The following DDX6 variants were observed in gnomAD, a reference collection of about 807,000 sequenced individuals.
The protein encoded by DDX6 is DEAD-box helicase 6.
A neutral mutation model predicts 60.6 loss-of-function variants in DDX6; 7 were observed. The ratio of observed to expected loss-of-function variants is 0.12; its 90% CI spans 0.07 to 0.22. The LOEUF (loss-of-function observed/expected upper bound fraction) is 0.22, where lower values mean the gene tolerates loss of function less well. Among genes scored for constraint, DDX6 ranks in the 10% least tolerant of loss-of-function variants. The probability of loss-of-function intolerance (pLI) is 1.00; values close to 1 mark genes in which losing one functional copy is unlikely to be tolerated. For synonymous variants in DDX6, 207 were observed against 201.0 expected (o/e 1.03, Z -0.25); for missense variants, 270 against 589.9 (o/e 0.46, Z 5.62).
chr11:118,757,041 C>G, intron 10 of DDX6, 130 bp downstream of exon 10: 1 of 474,922 alleles, frequency 2.1e-6, no homozygotes, highest in South Asian at 5.9e-5. Context: ...TGAGGGAGGT[C>G]AAAATGAAAG....
intron 4 of DDX6, among the ~76,000 whole-genome samples, chr11:118,769,674 T>TA (rs1861469889): frequency 6.6e-6 from 1 of 152,060 alleles, no homozygotes; most frequent in Admixed American, 6.5e-5. Context: ...TGAAAAAGCT[T>TA]GATCGTTGAA....
Position 118,754,781 on chromosome 11 carries a change from C to T in DDX6, c.1383G>A (p.Pro461=), listed in dbSNP as rs782365964. Residue 461 remains proline, a synonymous_variant, in exon 13 of 14, where the codon CCG becomes CCA. Transcript: ENST00000534980. ...CATACAGGCTCTTATCAATGTTGCT[C>T]GGAATAGGTTTAATTTCTGTTCCCA... ...EQLGTEIKPI[P]SNIDKSLYVA... is the part of the protein sequence containing the mutation. 25 of 1,613,648 alleles carry T rather than the reference C, an allele frequency of 1.5e-5. No homozygotes were observed. The highest frequency in any genetic ancestry group is 3.3e-5 in the Admixed American group (2 of 59,962).
At chr11:118,762,914 C>T (rs1172623794) in intron 7 of DDX6, among the ~76,000 whole-genome samples, 1 of 152,120 alleles carries the variant, frequency 6.6e-6, no homozygotes, top group African/African-American at 2.4e-5. Flanking sequence ...AAATTAATCA[C>T]AGAGCAGAAA....
chr11:118,778,019 AT>A (rs1861762832), intron 4 of DDX6, among the ~76,000 whole-genome samples: 2 of 147,726 alleles, frequency 1.4e-5, no homozygotes, highest in African/African-American at 2.7e-5. Flanking sequence ...TAGAATAATA[AT>A]AAAAAAAAAA....
chr11:118,770,883 C>CAAA (rs369951350), intron 4 of DDX6, among the ~76,000 whole-genome samples: 17 of 95,522 alleles, frequency 1.8e-4, no homozygotes, highest in East Asian at 1.0e-3. Flanking sequence ...CTCAGTCTCA[C>CAAA]AAAAAAAAAA....
chr11:118,752,685 A>C (rs1860817402), intron 13 of DDX6, among the ~76,000 whole-genome samples: 1 of 152,180 alleles, frequency 6.6e-6, no homozygotes. Context: ...TATAACTTGG[A>C]AACTATCCTT....
rs1378010987 is a variant in DDX6 at position 118,757,336 on chromosome 11, T to C, written c.994-49A>G. 8.3e-6 allele frequency: 9 copies of C among 1,085,338 alleles called. No individual in the cohort carries two copies. The African/African-American group carries it at 1.2e-4, about 14-fold the overall frequency. The allele number at this position is 1,085,338 out of a possible 1,614,324, so 67.2% of individuals were successfully genotyped here. ...TGAGAAAAATAAAAAAAACCTTCAT[T>C]TGGTTTGCCAAATCTTGAAAACACG... On this transcript the variant is annotated intron_variant, in intron 9 of 13. Transcript: ENST00000534980.
chr11:118,765,039 G>A (rs1033884673), intron 6 of DDX6, among the ~76,000 whole-genome samples, 170 bp downstream of exon 6: 9 of 152,096 alleles, frequency 5.9e-5, no homozygotes, highest in African/African-American at 1.7e-4. Flanking sequence ...GTCAAATATC[G>A]TTTTCAATTA....
At chr11:118,773,576 CA>C (rs782323327) in intron 4 of DDX6, among the ~76,000 whole-genome samples, 30 of 149,414 alleles carry the variant, frequency 2.0e-4, no homozygotes, top group Admixed American at 6.7e-4. Context: ...TGTCTCAAAA[CA>C]AAATAAAACA....
chr11:118,760,212 G>A (rs1342865459), intron 7 of DDX6, among the ~76,000 whole-genome samples, 168 bp from the exon 8 acceptor site: 1 of 152,044 alleles, frequency 6.6e-6, no homozygotes, highest in East Asian at 1.9e-4. Flanking sequence ...ATATGCAGAA[G>A]GGGGCAAAAT....
chr11:118,779,290 T>C (rs1861809252), intron 4 of DDX6, among the ~76,000 whole-genome samples: 1 of 152,134 alleles, frequency 6.6e-6, no homozygotes, highest in African/African-American at 2.4e-5. Context: ...AAATAATACC[T>C]GACCCTAGAC....
intron 1 of DDX6, among the ~76,000 whole-genome samples, chr11:118,790,583 CCCT>C (rs1862239174): frequency 6.6e-6 from 1 of 152,136 alleles, no homozygotes; most frequent in African/African-American, 2.4e-5. Context: ...ACCATCATCC[CCCT>C]AAGTCCTTGC....
intron 4 of DDX6, among the ~76,000 whole-genome samples, chr11:118,772,088 C>T (rs1861553059): frequency 6.6e-6 from 1 of 152,036 alleles, no homozygotes; most frequent in Non-Finnish European, 1.5e-5. Context: ...AGGGTCAGTT[C>T]CTATTTTAAA....
Position 118,755,477 on chromosome 11 carries a change from G to T in DDX6, c.1201C>A (p.Gln401Lys). The T allele has an allele frequency of 6.2e-7, 1 of 1,600,112 alleles. No individual in the cohort carries two copies. Reference sequence around the variant, plus strand: ...AAGTTTATTACCACATTCACAGCTTGTATATCAATACCTCGGGTAAACAGA... The same window carrying T: ...AAGTTTATTACCACATTCACAGCTTTTATATCAATACCTCGGGTAAACAGA... ...TDLFTRGIDI[Q>K]AVNVVINFDF... is the part of the protein sequence containing the mutation. The change falls in exon 12 of 14, where the codon CAA becomes AAA. Residue 401 changes from glutamine (Q) to lysine (K), a missense_variant. This residue lies in a region of DDX6 where 69 missense variants were observed against 208.2 expected (regional missense o/e 0.33). Transcript: ENST00000534980.
chr11:118,756,137 T>C (rs1347452914), intron 11 of DDX6, 123 bp downstream of exon 11: 4 of 670,042 alleles, frequency 6.0e-6, no homozygotes, highest in Admixed American at 5.6e-5. Flanking sequence ...ACTTCAGAAA[T>C]CCTAGAAGTA....
chr11:118,762,290 T>A (rs1438227303), intron 7 of DDX6, among the ~76,000 whole-genome samples: 1,881 of 108,526 alleles, frequency 0.017, 14 homozygotes, highest in Non-Finnish European at 0.021. Context: ...AAAAAAATAA[T>A]AATAATAATA....
intron 1 of DDX6, chr11:118,788,678 G>T (rs142750693): frequency 6.6e-6 from 1 of 152,090 alleles, no homozygotes; most frequent in Non-Finnish European, 1.5e-5. Flanking sequence ...GATTACAGAC[G>T]TAAGCCACCA....
At chr11:118,757,308 G>A (rs1272994990) in intron 9 of DDX6, 21 bp from the exon 10 acceptor site, 1 of 1,350,580 alleles carries the variant, frequency 7.4e-7, no homozygotes, top group African/African-American at 1.5e-5. Context: ...AAAAAAATAA[G>A]TATGAGAAAA....
rs1220081124 is a variant in DDX6 at position 118,760,057 on chromosome 11, G to A, written c.742-13C>T. The A allele has an allele frequency of 1.2e-6, 2 of 1,607,578 alleles. No individual in the cohort carries two copies. Among genetic ancestry groups the A allele is most frequent in the Non-Finnish European group, 1.7e-6 (2 of 1,178,186 alleles). On this transcript the variant is annotated splice_polypyrimidine_tract_variant and intron_variant, in intron 7 of 13. Transcript: ENST00000534980. ...GCAACTTATCTGCCTGCAGTAGAAA[G>A]AAAAGACAATTTTAAAAACAATAAA...
Sources: allele counts gnomAD v4.1 joint callset (sites outside exome capture counted in the v4.1 genomes callset), GRCh38; gene constraint gnomAD v4.1.1; regional missense constraint gnomAD v4.1.1; transcripts MANE v1.5; gene names NCBI Gene and HGNC (gene_info 2026-07-23, HGNC 2026-07-21).